BRINP3: variants seen among roughly 807,000 people sequenced by gnomAD.
BRINP3 encodes the protein BMP/retinoic acid-inducible neural-specific protein 3.
Under a neutral mutation model 71.0 loss-of-function variants are expected in BRINP3, and 19 were observed. The observed-to-expected ratio is 0.27, with a 90% CI of 0.19 to 0.39. The LOEUF (loss-of-function observed/expected upper bound fraction) is 0.39, where lower values mean the gene tolerates loss of function less well. Among genes scored for constraint, BRINP3 ranks in the 10% least tolerant of loss-of-function variants. The probability of loss-of-function intolerance (pLI) is 1.00; values close to 1 mark genes in which losing one functional copy is unlikely to be tolerated. For missense variants in BRINP3, 959 were observed against 940.8 expected, an observed-to-expected ratio of 1.02 and a Z score of -0.25; for synonymous variants, 380 against 337.7, an observed-to-expected ratio of 1.13 and a Z score of -1.37.
chr1:190,426,845 A>G (rs1298822550), intron 2 of BRINP3, among the ~76,000 whole-genome samples: 1 of 151,882 alleles, frequency 6.6e-6, no homozygotes, highest in African/African-American at 2.4e-5. Context: ...ATTATTTTGT[A>G]AGCAAGTTAC....
chr1:190,444,656 T>G (rs1000639545), intron 2 of BRINP3, among the ~76,000 whole-genome samples: 12 of 152,000 alleles, frequency 7.9e-5, no homozygotes, highest in African/African-American at 2.9e-4. Context: ...CGCCTCAGCC[T>G]CCTGAGTACC....
At chr1:190,225,103 AT>A (rs1284550165) in intron 6 of BRINP3, among the ~76,000 whole-genome samples, 1 of 151,910 alleles carries the variant, frequency 6.6e-6, no homozygotes, top group Non-Finnish European at 1.5e-5. Context: ...GAAGTACCAT[AT>A]TATTAATCTC....
chr1:190,134,440 A>G (rs889243440), intron 7 of BRINP3, among the ~76,000 whole-genome samples: 12 of 152,098 alleles, frequency 7.9e-5, no homozygotes, highest in Admixed American at 5.9e-4. Context: ...AGGGTAGAAA[A>G]AAATAGGTTT....
rs563516488 is a variant in BRINP3, at chr1:190,239,536, A to C, written c.619-5059T>G. 4.3e-4 allele frequency among the ~76,000 whole-genome samples: 65 copies of C among 152,214 alleles called. 1 individual carries two copies. Among genetic ancestry groups the C allele is most frequent in the African/African-American group, 1.4e-3 (59 of 41,582 alleles). ...GAGGTAAGAGGGCATTAGGATAAAT[A>C]CTTATGTTCTAGAAATATCCTATTT... On this transcript the variant is annotated intron_variant, in intron 4 of 7. Coordinates refer to ENST00000367462, the MANE Select transcript of BRINP3 (RefSeq NM_199051.3).
At chr1:190,435,315 A>AAAATAGACATTTGGCT (rs1674384837) in intron 2 of BRINP3, among the ~76,000 whole-genome samples, 1 of 152,142 alleles carries the variant, frequency 6.6e-6, no homozygotes, top group African/African-American at 2.4e-5. Flanking sequence ...GACACTTTAA[A>AAAATAGACATTTGGCT]AAATAGACAT....
At chr1:190,212,094 A>G (rs1384064443) in intron 6 of BRINP3, among the ~76,000 whole-genome samples, 5 of 152,224 alleles carry the variant, frequency 3.3e-5, no homozygotes, top group Non-Finnish European at 7.4e-5. Context: ...GTTGTTACAA[A>G]AAGTTTGTTT....
chr1:190,123,842 T>A (rs1461705953), intron 7 of BRINP3, among the ~76,000 whole-genome samples: 1 of 152,148 alleles, frequency 6.6e-6, no homozygotes, highest in Non-Finnish European at 1.5e-5. Context: ...TCTCTTTTAA[T>A]TGTTAGCTAA....
intron 6 of BRINP3, among the ~76,000 whole-genome samples, chr1:190,208,061 C>A (rs745440085): frequency 1.7e-4 from 26 of 152,048 alleles, no homozygotes; most frequent in Admixed American, 3.9e-4. Flanking sequence ...GATATTCACA[C>A]CTTAGCCTTC....
intron 1 of BRINP3, among the ~76,000 whole-genome samples, chr1:190,466,904 A>T (rs971799927): frequency 2.0e-5 from 3 of 151,654 alleles, no homozygotes; most frequent in Non-Finnish European, 4.4e-5. Flanking sequence ...TAATTTAAAA[A>T]AATTATTGGA....
At chr1:190,307,245 C>T (rs1171947545) in intron 2 of BRINP3, among the ~76,000 whole-genome samples, 1 of 125,824 alleles carries the variant, frequency 7.9e-6, no homozygotes, top group Non-Finnish European at 1.7e-5. Flanking sequence ...CTGAGCTCCT[C>T]ATTTAAAACA....
intron 7 of BRINP3, among the ~76,000 whole-genome samples, chr1:190,159,044 G>A (rs1297366849): frequency 6.6e-6 from 1 of 152,024 alleles, no homozygotes; most frequent in Non-Finnish European, 1.5e-5. Context: ...ATTGAAATCT[G>A]TGAAGGATTT....
intron 2 of BRINP3, among the ~76,000 whole-genome samples, chr1:190,427,673 G>T (rs756060320): frequency 6.6e-6 from 1 of 151,918 alleles, no homozygotes; most frequent in Non-Finnish European, 1.5e-5. Context: ...AAGAAGGAGT[G>T]CAGCCTTCTG....
intron 3 of BRINP3, among the ~76,000 whole-genome samples, chr1:190,270,523 T>C (rs1164249472): frequency 2.0e-5 from 3 of 151,876 alleles, no homozygotes; most frequent in Non-Finnish European, 4.4e-5. Context: ...AAAGAATCAA[T>C]AAACTTTATA....
At chr1:190,188,195 A>G (rs767568181) in intron 6 of BRINP3, among the ~76,000 whole-genome samples, 35 of 152,084 alleles carry the variant, frequency 2.3e-4, no homozygotes, top group Non-Finnish European at 3.7e-4. Context: ...TAGAAATGCT[A>G]CTGATTTCTG....
At chr1:190,459,318 C>A (rs551494565) in intron 1 of BRINP3, among the ~76,000 whole-genome samples, 1 of 151,526 alleles carries the variant, frequency 6.6e-6, no homozygotes, top group Non-Finnish European at 1.5e-5. Context: ...AATATATAGT[C>A]TAAATATGAT....
intron 6 of BRINP3, among the ~76,000 whole-genome samples, chr1:190,170,068 G>T (rs150508835): frequency 2.6e-5 from 4 of 152,090 alleles, no homozygotes; most frequent in African/African-American, 9.7e-5. Flanking sequence ...TTTTTGTAGA[G>T]TTGACAGGAA....
chr1:190,117,199 G>A (rs1021847855), intron 7 of BRINP3, among the ~76,000 whole-genome samples: 1 of 151,954 alleles, frequency 6.6e-6, no homozygotes, highest in African/African-American at 2.4e-5. Flanking sequence ...TATGGTTGTA[G>A]TATCAATCTT....
At position 190,138,216 on chromosome 1, in the gene BRINP3, A is replaced by G. The variant is rs142899113; in HGVS notation, c.1184+22452T>C. On this transcript the variant is annotated intron_variant, in intron 7 of 7. Coordinates refer to ENST00000367462, the MANE Select transcript of BRINP3 (RefSeq NM_199051.3). Reference sequence around the variant, plus strand: ...TGATCTGCCCACCTTGGCCTCCCAAAGTGCTGAGATTACAGGTGTGAGCCA... The same window carrying G: ...TGATCTGCCCACCTTGGCCTCCCAAGGTGCTGAGATTACAGGTGTGAGCCA... 5.4e-3 allele frequency among the ~76,000 whole-genome samples: 822 copies of G among 152,244 alleles called. 5 individuals are homozygous for G. Among genetic ancestry groups the G allele is most frequent in the African/African-American group, 0.018 (751 of 41,542 alleles).
chr1:190,334,145 GGTTAA>G (rs1667139735), intron 2 of BRINP3, among the ~76,000 whole-genome samples: 2 of 151,740 alleles, frequency 1.3e-5, no homozygotes, highest in South Asian at 4.1e-4. Context: ...GAAAATTTCA[GGTTAA>G]GTTCAGATAA....
Sources: gnomAD v4.1 joint callset for allele counts (sites outside exome capture counted in the v4.1 genomes callset) on GRCh38, gnomAD v4.1.1 for gene constraint, MANE v1.5 for transcripts, NCBI Gene and HGNC (gene_info 2026-07-23, HGNC 2026-07-21) for gene names.